SDK1: variants seen among roughly 807,000 people sequenced by gnomAD.
SDK1 encodes sidekick cell adhesion molecule 1.
Under a neutral mutation model 245.5 loss-of-function variants are expected in SDK1, and 157 were observed. The observed-to-expected ratio is 0.64, with a 90% CI of 0.56 to 0.73. The LOEUF is 0.73. Among genes scored for constraint, SDK1 ranks in the 30% least tolerant of loss-of-function variants. The pLI is 0.00. For missense variants in SDK1, 3,583 were observed against 3,002.3 expected (o/e 1.19, Z -4.52); for synonymous variants, 1,647 against 1,278.5 (o/e 1.29, Z -6.15).
At chr7:3,596,188 C>T (rs75948024) in intron 1 of SDK1, among the ~76,000 whole-genome samples, 4,925 of 152,076 alleles carry the variant, frequency 0.032, 242 homozygotes, top group African/African-American at 0.11. Context: ...GTCTGTCGTT[C>T]CAGGGGTAGT....
intron 1 of SDK1, among the ~76,000 whole-genome samples, chr7:3,491,619 T>C (rs560256190): frequency 2.0e-5 from 3 of 152,230 alleles, no homozygotes; most frequent in Non-Finnish European, 2.9e-5. Flanking sequence ...AATAAACACA[T>C]AGCTATATCT....
At chr7:3,740,262 T>G (rs1164208911) in intron 4 of SDK1, among the ~76,000 whole-genome samples, 1 of 152,166 alleles carries the variant, frequency 6.6e-6, no homozygotes, top group Non-Finnish European at 1.5e-5. Context: ...TTCCAGTGCT[T>G]TTTCTGGACA....
At position 3,564,200 on chromosome 7, in the gene SDK1, A is replaced by T. The variant is rs563941384; in HGVS notation, c.299-54880A>T. 1.1e-3 allele frequency among the ~76,000 whole-genome samples: 160 copies of T among 152,274 alleles called. 2 individuals are homozygous for T. The South Asian group carries it at 0.032, about 31-fold the overall frequency. On this transcript the variant is annotated intron_variant, in intron 1 of 44. Transcript: ENST00000404826. ...GGAAACAAGATAGAAAAATAAAGGT[A>T]AGTACAGAAAGCAATGAAATACAGA... is the stretch of plus-strand genomic sequence containing the variant.
chr7:3,900,408 G>C (rs1332308630), intron 5 of SDK1, among the ~76,000 whole-genome samples: 1 of 152,100 alleles, frequency 6.6e-6, no homozygotes, highest in Non-Finnish European at 1.5e-5. Flanking sequence ...TTCATCCCCA[G>C]GTTGGTTATA....
intron 25 of SDK1, among the ~76,000 whole-genome samples, chr7:4,124,755 GACTA>G (rs923208110): frequency 5.9e-5 from 9 of 152,340 alleles, no homozygotes; most frequent in Admixed American, 1.3e-4. Context: ...TCTGTCTTCA[GACTA>G]ACTAACAGTG....
chr7:3,775,433 T>A (rs995365200), intron 4 of SDK1, among the ~76,000 whole-genome samples: 1 of 148,846 alleles, frequency 6.7e-6, no homozygotes, highest in East Asian at 1.9e-4. Context: ...TTTATTTTAT[T>A]TTTTTTTTTC....
At chr7:3,865,472 A>G (rs1780798706) in intron 5 of SDK1, among the ~76,000 whole-genome samples, 1 of 152,196 alleles carries the variant, frequency 6.6e-6, no homozygotes, top group African/African-American at 2.4e-5. Context: ...GCCACCAGAT[A>G]GAAACCAGGT....
At chr7:3,711,258 G>C (rs1785041547) in intron 4 of SDK1, among the ~76,000 whole-genome samples, 1 of 152,058 alleles carries the variant, frequency 6.6e-6, no homozygotes, top group South Asian at 2.1e-4. Context: ...TTTAATTTTG[G>C]AGACTGTGCT....
At chr7:4,251,085 C>G (rs1212533051) in intron 44 of SDK1, among the ~76,000 whole-genome samples, 4 of 152,136 alleles carry the variant, frequency 2.6e-5, no homozygotes, top group African/African-American at 9.7e-5. Context: ...CAGAGTTCAT[C>G]AGGGTCACTG....
intron 1 of SDK1, among the ~76,000 whole-genome samples, chr7:3,391,900 A>G (rs1243948428): frequency 1.3e-5 from 2 of 151,672 alleles, no homozygotes; most frequent in South Asian, 2.1e-4. Context: ...AAGTGATGGG[A>G]TCACAGGTGT....
chr7:3,896,469 C>T (rs1781608752), intron 5 of SDK1, among the ~76,000 whole-genome samples: 1 of 152,200 alleles, frequency 6.6e-6, no homozygotes, highest in Admixed American at 6.5e-5. Context: ...GACCCTGAAG[C>T]TCTGTCTGCC....
intron 1 of SDK1, among the ~76,000 whole-genome samples, chr7:3,456,257 T>C (rs986630566): frequency 4.6e-5 from 7 of 152,220 alleles, no homozygotes; most frequent in Non-Finnish European, 1.5e-5. Flanking sequence ...TTATGTCTTT[T>C]GCTAAATTTG....
chr7:4,127,601 C>A, intron 26 of SDK1, 105 bp downstream of exon 26: 2 of 794,358 alleles, frequency 2.5e-6, no homozygotes, highest in Non-Finnish European at 2.2e-6. Context: ...TCCTACAGAT[C>A]TGCAGCGTCA....
At chr7:3,360,214 G>C (rs566641624) in intron 1 of SDK1, among the ~76,000 whole-genome samples, 9 of 152,170 alleles carry the variant, frequency 5.9e-5, no homozygotes, top group Non-Finnish European at 8.8e-5. Context: ...AGTCACACTA[G>C]TCACTATATT....
chr7:4,157,239 T>C (rs1780790449), intron 30 of SDK1, among the ~76,000 whole-genome samples: 1 of 144,344 alleles, frequency 6.9e-6, no homozygotes, highest in Non-Finnish European at 1.5e-5. Flanking sequence ...GCATGTGGAG[T>C]AGCTGGACGG....
intron 2 of SDK1, among the ~76,000 whole-genome samples, chr7:3,638,453 C>T (rs1190394941): frequency 2.6e-5 from 4 of 151,350 alleles, no homozygotes; most frequent in Admixed American, 6.6e-5. Flanking sequence ...ACTATGCAGC[C>T]ATAAAAAATG....
At chr7:3,638,381 AC>A (rs891221774) in intron 2 of SDK1, among the ~76,000 whole-genome samples, 119 of 152,116 alleles carry the variant, frequency 7.8e-4, no homozygotes, top group African/African-American at 2.7e-3. Context: ...CTTGGAACCA[AC>A]CCAAATGTCC....
At chr7:3,945,637 T>A (rs1230044405) in intron 5 of SDK1, among the ~76,000 whole-genome samples, 2 of 152,160 alleles carry the variant, frequency 1.3e-5, no homozygotes, top group Non-Finnish European at 2.9e-5. Flanking sequence ...GGCTCACGCC[T>A]GTAATCCCAG....
Position 4,051,644 on chromosome 7 carries a change from G to C in SDK1, c.2725G>C (p.Ala909Pro). The C allele has an allele frequency of 1.1e-5, 17 of 1,609,982 alleles. No homozygotes were observed. The highest frequency in any genetic ancestry group is 1.4e-5 in the Non-Finnish European group (17 of 1,178,384). The change falls in exon 19 of 45, where the codon GCA (alanine) becomes CCA (proline). Residue 909 changes from alanine to proline, a missense_variant. Ala to Pro is a conservative substitution (Grantham distance 27, BLOSUM62 -1). Transcript: ENST00000404826. Reference protein sequence around the residue: ...NGINQGYKLLAWPADAPEAVT... With the variant: ...NGINQGYKLLPWPADAPEAVT... ...TCACCCTGTTCCATCTCAGCTTCTG[G>C]CATGGCCGGCAGATGCCCCCGAGGC...
Sources: gnomAD v4.1 joint callset for allele counts (sites outside exome capture counted in the v4.1 genomes callset) on GRCh38, gnomAD v4.1.1 for gene constraint, MANE v1.5 for transcripts, NCBI Gene and HGNC (gene_info 2026-07-23, HGNC 2026-07-21) for gene names.